Variants in EPHA6 observed in about 807,000 individuals in gnomAD.
EPHA6 encodes the protein EPH receptor A6.
A neutral mutation model predicts 112.0 loss-of-function variants in EPHA6; 50 were observed. The ratio of observed to expected loss-of-function variants is 0.45; its 90% CI spans 0.36 to 0.56. EPHA6 has a LOEUF of 0.56. EPHA6 is among the 20% of genes least tolerant of loss of function. The pLI is 0.00. For missense variants in EPHA6, 1,280 were observed against 1,417.4 expected, an observed-to-expected ratio of 0.90 and a Z score of 1.56; for synonymous variants, 529 against 490.7, an observed-to-expected ratio of 1.08 and a Z score of -1.03.
intron 5 of EPHA6, among the ~76,000 whole-genome samples, chr3:97,321,877 T>A (rs1363077580): frequency 6.6e-6 from 1 of 152,026 alleles, no homozygotes; most frequent in Non-Finnish European, 1.5e-5. Context: ...CAAGGCTCAG[T>A]GTAAAATGAA....
At chr3:97,307,094 T>C (rs573144155) in intron 5 of EPHA6, among the ~76,000 whole-genome samples, 1 of 151,986 alleles carries the variant, frequency 6.6e-6, no homozygotes, top group South Asian at 2.1e-4. Context: ...ATTAACTCTT[T>C]CTCTGCATAT....
At chr3:97,592,271 A>C (rs1433563551) in intron 11 of EPHA6, among the ~76,000 whole-genome samples, 2 of 152,204 alleles carry the variant, frequency 1.3e-5, no homozygotes, top group East Asian at 3.8e-4. Flanking sequence ...TAACTCATGT[A>C]GGCATGAATT....
chr3:97,541,722 T>G (rs2092854512), intron 11 of EPHA6, among the ~76,000 whole-genome samples: 2 of 124,548 alleles, frequency 1.6e-5, no homozygotes, highest in South Asian at 2.2e-4. Flanking sequence ...TGTTTTCTTT[T>G]TTTTGTTTTT....
intron 7 of EPHA6, among the ~76,000 whole-genome samples, chr3:97,451,607 A>T (rs2090532350): frequency 6.6e-6 from 1 of 151,786 alleles, no homozygotes; most frequent in East Asian, 1.9e-4. Flanking sequence ...AAAAAAAAAA[A>T]AACTGGTTAG....
intron 5 of EPHA6, among the ~76,000 whole-genome samples, chr3:97,266,341 T>A (rs1489227691): frequency 3.9e-5 from 6 of 152,178 alleles, no homozygotes; most frequent in Admixed American, 3.9e-4. Flanking sequence ...ATTTATTATA[T>A]TTTTCCAGTT....
intron 10 of EPHA6, among the ~76,000 whole-genome samples, chr3:97,499,039 T>C (rs2092052682): frequency 6.6e-6 from 1 of 152,182 alleles, no homozygotes; most frequent in African/African-American, 2.4e-5. Flanking sequence ...TTTTTAAAAC[T>C]TTTAAGCTTT....
At chr3:97,356,094 G>A (rs575466450) in intron 5 of EPHA6, among the ~76,000 whole-genome samples, 1 of 152,158 alleles carries the variant, frequency 6.6e-6, no homozygotes, top group Non-Finnish European at 1.5e-5. Context: ...TACTGCCTGA[G>A]CTCTGCCTCC....
chr3:97,528,352 A>T (rs1025861822), intron 10 of EPHA6, among the ~76,000 whole-genome samples: 5 of 152,076 alleles, frequency 3.3e-5, no homozygotes, highest in African/African-American at 1.2e-4. Flanking sequence ...GCTAAATTAG[A>T]TGGGTTGGTC....
chr3:97,046,306 C>G (rs578053886), intron 3 of EPHA6, among the ~76,000 whole-genome samples: 1 of 152,140 alleles, frequency 6.6e-6, no homozygotes, highest in South Asian at 2.1e-4. Flanking sequence ...TCACCTTAGC[C>G]AATTAAAGGA....
At chr3:97,058,007 T>C (rs998568340) in intron 3 of EPHA6, among the ~76,000 whole-genome samples, 27 of 152,180 alleles carry the variant, frequency 1.8e-4, no homozygotes, top group Admixed American at 1.6e-3. Flanking sequence ...ATGGATTTCC[T>C]ATTTTAATTT....
chr3:97,084,115 TATATATATGG>T (rs1559717388), intron 3 of EPHA6, among the ~76,000 whole-genome samples: 8 of 126,448 alleles, frequency 6.3e-5, no homozygotes, highest in East Asian at 2.4e-4. Context: ...TATATATATA[TATATATATGG>T]ATATATATCC....
At chr3:97,480,207 TC>T (rs1398808228) in intron 9 of EPHA6, among the ~76,000 whole-genome samples, 4 of 151,902 alleles carry the variant, frequency 2.6e-5, no homozygotes. Flanking sequence ...TTAGAATTTT[TC>T]TTTTTTTTCT....
At position 97,600,041 on chromosome 3, in the gene EPHA6, G is replaced by A. The variant is rs1317928542; in HGVS notation, c.2512+7304G>A. Among the ~76,000 whole-genome samples, 7 of 150,742 alleles carry A rather than the reference G, an allele frequency of 4.6e-5. No individual in the cohort carries two copies. In the South Asian group the frequency reaches 6.3e-4, roughly 14 times the overall value. ...CTCTTTGAAGCAATTGTGAATGGGA[G>A]TTCACTCATGATTTGGCTCTCTGTT... On this transcript the variant is annotated intron_variant, in intron 12 of 17. Coordinates refer to ENST00000389672, the MANE Select transcript of EPHA6 (RefSeq NM_001080448.3).
At chr3:96,978,663 A>C (rs546041012) in intron 2 of EPHA6, among the ~76,000 whole-genome samples, 14 of 152,288 alleles carry the variant, frequency 9.2e-5, no homozygotes, top group African/African-American at 2.9e-4. Context: ...TAGAAGAAGA[A>C]ACATTATTTT....
intron 3 of EPHA6, among the ~76,000 whole-genome samples, chr3:97,104,459 G>A (rs1475187160): frequency 5.3e-5 from 8 of 151,844 alleles, no homozygotes; most frequent in East Asian, 3.9e-4. Context: ...ATTTATTTTC[G>A]TATGTTGAAC....
intron 10 of EPHA6, among the ~76,000 whole-genome samples, chr3:97,498,278 A>G (rs897196749): frequency 6.6e-6 from 1 of 151,630 alleles, no homozygotes; most frequent in Non-Finnish European, 1.5e-5. Context: ...CAAGAGACAC[A>G]ATTGTCCAGT....
chr3:96,922,035 A>G (rs1013973895), intron 2 of EPHA6, among the ~76,000 whole-genome samples: 1 of 137,282 alleles, frequency 7.3e-6, no homozygotes, highest in African/African-American at 3.3e-5. Flanking sequence ...CTTAATGTCT[A>G]GAGAGAGAGA....
chr3:97,246,829 G>A lies in EPHA6; in HGVS notation c.1606+2542G>A, dbSNP rs193213676. ...CTCTTCTTGTGCTTGAAATTCTAAA[G>A]TTAGAGAATCACACCTGTGAAAATG... On this transcript the variant is annotated intron_variant, in intron 5 of 17. Transcript: ENST00000389672. Among the ~76,000 whole-genome samples, 12 of 151,960 alleles carry A rather than the reference G, an allele frequency of 7.9e-5. No individual in the cohort carries two copies. The East Asian group carries it at 2.3e-3, about 29-fold the overall frequency.
intron 3 of EPHA6, among the ~76,000 whole-genome samples, chr3:97,100,075 G>T (rs1037434715): frequency 6.6e-6 from 1 of 151,806 alleles, no homozygotes; most frequent in Admixed American, 6.6e-5. Flanking sequence ...GGGTACTATT[G>T]TATTGGCCAA....
Sources: allele counts gnomAD v4.1 joint callset (sites outside exome capture counted in the v4.1 genomes callset), GRCh38; gene constraint gnomAD v4.1.1; transcripts MANE v1.5; gene names NCBI Gene and HGNC (gene_info 2026-07-23, HGNC 2026-07-21).